Variants in ARIH1 observed in about 807,000 individuals in gnomAD.
ARIH1 encodes E3 ubiquitin-protein ligase ARIH1.
In ARIH1, 8 loss-of-function variants were observed where a neutral mutation model predicts 85.0. The observed-to-expected ratio is 0.09, with a 90% CI of 0.06 to 0.17. The LOEUF is 0.17. Ranked by LOEUF, ARIH1 falls within the 10% of genes least tolerant of loss-of-function variation. The pLI, the probability that ARIH1 is intolerant of heterozygous loss-of-function variation, is 1.00. For missense variants in ARIH1, 311 were observed against 718.1 expected (o/e 0.43, Z 6.48); for synonymous variants, 238 against 253.6 (o/e 0.94, Z 0.59).
intron 2 of ARIH1, among the ~76,000 whole-genome samples, chr15:72,523,743 G>T (rs1003241829): frequency 6.6e-6 from 1 of 151,804 alleles, no homozygotes; most frequent in Non-Finnish European, 1.5e-5. Context: ...TTAGGACAGG[G>T]TTATATGGGA....
intron 3 of ARIH1, among the ~76,000 whole-genome samples, chr15:72,551,060 A>G (rs2064150881): frequency 6.6e-6 from 1 of 152,204 alleles, no homozygotes; most frequent in South Asian, 2.1e-4. Context: ...CTAACGAGAT[A>G]TTTGTATCTA....
At chr15:72,495,081 C>A (rs1297204210) in intron 1 of ARIH1, among the ~76,000 whole-genome samples, 3 of 152,140 alleles carry the variant, frequency 2.0e-5, no homozygotes, top group Non-Finnish European at 2.9e-5. Context: ...ATGACAGGCT[C>A]TCAGCTTGTC....
chr15:72,488,841 G>A (rs1052683994), intron 1 of ARIH1, among the ~76,000 whole-genome samples: 13 of 152,206 alleles, frequency 8.5e-5, no homozygotes, highest in Admixed American at 6.5e-5. Context: ...AATTCCAAGA[G>A]GACAAGCTTC....
At chr15:72,515,239 A>G (rs1168566068) in intron 1 of ARIH1, among the ~76,000 whole-genome samples, 1 of 152,110 alleles carries the variant, frequency 6.6e-6, no homozygotes, top group African/African-American at 2.4e-5. Flanking sequence ...TGGGAGGCTG[A>G]GGCAGGAGAA....
At position 72,474,868 on chromosome 15, in the gene ARIH1, G is replaced by A. The variant is rs1228917143; in HGVS notation, c.229G>A (p.Gly77Ser). The change falls in exon 1 of 14, where the codon GGC (glycine) becomes AGC (serine). Residue 77 changes from glycine (G) to serine (S), a missense_variant. By Grantham distance (56) the Gly-to-Ser change is moderately conservative. Coordinates refer to ENST00000379887, the MANE Select transcript of ARIH1 (RefSeq NM_005744.5). The part of the protein sequence containing the change: ...GGGGGSALGP[G>S]GGGGGGGGGG... The stretch of plus-strand genomic sequence containing the variant: ...TGGCGGCGGCAGCGCTCTGGGGCCC[G>A]GCGGTGGCGGCGGCGGCGGCGGCGG... 7.1e-7 allele frequency: 1 copy of A among 1,417,418 alleles called. No individual in the cohort carries two copies. Among genetic ancestry groups the A allele is most frequent in the Admixed American group, 2.7e-5 (1 of 37,084 alleles). 87.8% of individuals were successfully genotyped at this position (1,417,418 alleles called of 1,614,324 possible).
rs933577061 is a variant in ARIH1, at chr15:72,583,993, A to T, written c.*701A>T. ...AATTACAAAAAAATATTTATTCTTT[A>T]AAAATCTTCAAGATTATGTCTATTT... On this transcript the variant is annotated 3_prime_UTR_variant, in exon 14 of 14. Coordinates refer to ENST00000379887, the MANE Select transcript of ARIH1 (RefSeq NM_005744.5). 6.6e-6 allele frequency: 1 copy of T among 152,248 alleles called. No homozygotes were observed. The highest frequency in any genetic ancestry group is 2.4e-5 in the African/African-American group (1 of 41,474). 9.4% of individuals were successfully genotyped at this position (152,248 alleles called of 1,614,324 possible).
intron 1 of ARIH1, among the ~76,000 whole-genome samples, chr15:72,477,800 C>T (rs1228196800): frequency 2.6e-5 from 4 of 151,968 alleles, no homozygotes; most frequent in Non-Finnish European, 5.9e-5. Context: ...AAAAAAAAAT[C>T]AGAGTTTTTT....
intron 1 of ARIH1, among the ~76,000 whole-genome samples, chr15:72,504,907 C>A (rs563096826): frequency 8.5e-4 from 130 of 152,156 alleles, no homozygotes; most frequent in Non-Finnish European, 1.5e-3. Context: ...TTTAGTGACT[C>A]TAAATAAAGA....
intron 2 of ARIH1, among the ~76,000 whole-genome samples, chr15:72,527,042 T>C (rs923267383): frequency 1.8e-4 from 27 of 152,190 alleles, no homozygotes; most frequent in Non-Finnish European, 4.4e-5. Flanking sequence ...TTTGATACTA[T>C]CATGATTTTT....
intron 2 of ARIH1, among the ~76,000 whole-genome samples, chr15:72,530,560 C>G (rs920858918): frequency 1.3e-5 from 2 of 152,142 alleles, no homozygotes; most frequent in African/African-American, 4.8e-5. Context: ...TAAATCTTCT[C>G]TAGGGAAATA....
At chr15:72,512,805 G>T (rs2063956234) in intron 1 of ARIH1, among the ~76,000 whole-genome samples, 1 of 151,866 alleles carries the variant, frequency 6.6e-6, no homozygotes, top group Non-Finnish European at 1.5e-5. Flanking sequence ...TTGGAAGTAG[G>T]CTGTCTACAT....
rs1369627575 is a variant in ARIH1, at chr15:72,595,857, T to A, written c.*12565T>A. 1 of 149,652 alleles carries A rather than the reference T, an allele frequency of 6.7e-6. No individual in the cohort carries two copies. The highest frequency in any genetic ancestry group is 2.0e-4 in the East Asian group (1 of 5,058). 9.3% of individuals were successfully genotyped at this position (149,652 alleles called of 1,614,324 possible). A position where few individuals can be genotyped will look rare whatever the true frequency, so the allele number is the denominator to read the frequency against. ...TTGTTTTTGTTTTTTTGAGACTGAGTCTTGCTCTATCTCCCAGGCTGTGGT... is the reference window on the plus strand; with the variant it reads ...TTGTTTTTGTTTTTTTGAGACTGAGACTTGCTCTATCTCCCAGGCTGTGGT... On this transcript the variant is annotated 3_prime_UTR_variant, in exon 14 of 14. Transcript: ENST00000379887.
chr15:72,565,467 C>G (rs1335918156), intron 7 of ARIH1, among the ~76,000 whole-genome samples: 1 of 151,724 alleles, frequency 6.6e-6, no homozygotes, highest in African/African-American at 2.4e-5. Context: ...TTTTTTTCCT[C>G]CAAACATCTA....
chr15:72,509,566 T>G (rs780739369), intron 1 of ARIH1, among the ~76,000 whole-genome samples: 3 of 151,950 alleles, frequency 2.0e-5, no homozygotes, highest in Non-Finnish European at 4.4e-5. Context: ...TTGTACCCTA[T>G]CCTTACTTAT....
At chr15:72,544,151 T>G (rs1429062639) in intron 2 of ARIH1, among the ~76,000 whole-genome samples, 2 of 152,180 alleles carry the variant, frequency 1.3e-5, no homozygotes, top group Non-Finnish European at 2.9e-5. Flanking sequence ...TATAAAATGT[T>G]TGAAGATACA....
intron 1 of ARIH1, chr15:72,475,304 G>A (rs1045534780): frequency 4.1e-6 from 2 of 483,696 alleles, no homozygotes; most frequent in African/African-American, 2.1e-5. Flanking sequence ...CCAGTCCCTG[G>A]GCCGGGTGTC....
At chr15:72,515,694 T>C (rs2063971971) in intron 1 of ARIH1, among the ~76,000 whole-genome samples, 1 of 152,224 alleles carries the variant, frequency 6.6e-6, no homozygotes. Flanking sequence ...GTTGTTTGCA[T>C]TTGCCCCTCC....
chr15:72,481,429 A>G (rs142129694), intron 1 of ARIH1, among the ~76,000 whole-genome samples: 1 of 151,988 alleles, frequency 6.6e-6, no homozygotes, highest in Non-Finnish European at 1.5e-5. Flanking sequence ...ATAATAGGGG[A>G]CCAGTCACGG....
chr15:72,596,878 T>A lies in ARIH1; in HGVS notation c.*13586T>A, dbSNP rs1263219365. ...CTGAAATTTCCTATTTCTTCATGCA[T>A]GTTTTCCACATTTTCCATTCTACTT... On this transcript the variant is annotated 3_prime_UTR_variant, in exon 14 of 14. Transcript: ENST00000379887. 1 of 152,224 alleles carries A rather than the reference T, an allele frequency of 6.6e-6. No homozygotes were observed. Among genetic ancestry groups the A allele is most frequent in the South Asian group, 2.1e-4 (1 of 4,836 alleles). The allele number at this position is 152,224 out of a possible 1,614,324, so 9.4% of individuals were successfully genotyped here.
Sources: gnomAD v4.1 joint callset for allele counts (sites outside exome capture counted in the v4.1 genomes callset) on GRCh38, gnomAD v4.1.1 for gene constraint, MANE v1.5 for transcripts, NCBI Gene and HGNC (gene_info 2026-07-23, HGNC 2026-07-21) for gene names.